The following FANCC variants were observed in gnomAD, a reference collection of about 807,000 sequenced individuals.
The protein encoded by FANCC is Fanconi anemia group C protein.
FANCC carries 55 observed loss-of-function variants against 71.3 expected under a neutral mutation model. The observed-to-expected ratio is 0.77, with a 90% CI of 0.62 to 0.97. The LOEUF (loss-of-function observed/expected upper bound fraction) is 0.97, where lower values mean the gene tolerates loss of function less well. FANCC is among the 50% of genes least tolerant of loss of function. FANCC has a pLI of 0.00. For synonymous variants in FANCC, 275 were observed against 244.9 expected (o/e 1.12, Z -1.15); for missense variants, 678 against 670.9 (o/e 1.01, Z -0.12).
intron 4 of FANCC, among the ~76,000 whole-genome samples, chr9:95,229,948 A>G (rs925958392): frequency 3.3e-5 from 5 of 152,238 alleles, no homozygotes; most frequent in African/African-American, 4.8e-5. Context: ...TTATCCATTC[A>G]GTAGTTTTTT....
intron 1 of FANCC, among the ~76,000 whole-genome samples, chr9:95,287,686 T>C (rs1215476690): frequency 2.0e-5 from 3 of 152,220 alleles, no homozygotes; most frequent in Non-Finnish European, 4.4e-5. Context: ...TCTGACTACC[T>C]TACCACCTGC....
At chr9:95,235,269 C>T (rs1283360319) in intron 4 of FANCC, among the ~76,000 whole-genome samples, 2 of 152,164 alleles carry the variant, frequency 1.3e-5, no homozygotes, top group African/African-American at 2.4e-5. Flanking sequence ...GGGAAATGCA[C>T]CTGATGCATG....
At chr9:95,289,955 A>G (rs1279414662) in intron 1 of FANCC, among the ~76,000 whole-genome samples, 1 of 152,202 alleles carries the variant, frequency 6.6e-6, no homozygotes, top group Non-Finnish European at 1.5e-5. Flanking sequence ...CATTGTGCCC[A>G]GCCACACGTT....
chr9:95,111,005 C>G (rs1481607829), intron 13 of FANCC: 4 of 1,434,010 alleles, frequency 2.8e-6, no homozygotes, highest in Non-Finnish European at 3.6e-6. Context: ...ATGTGAGGAT[C>G]TGTTGACTGA....
rs1044332358 is a variant in FANCC, at chr9:95,114,813, T to C, written c.1073-103A>G. 5.2e-6 allele frequency: 5 copies of C among 953,726 alleles called. No homozygotes were observed. In the African/African-American group the frequency reaches 6.4e-5, roughly 12 times the overall value. 59.1% of individuals were successfully genotyped at this position (953,726 alleles called of 1,614,324 possible). A position where few individuals can be genotyped will look rare whatever the true frequency, so the allele number is the denominator to read the frequency against. ...TGAAGAGTCTTTGGGAGACGCCCTT[T>C]ACTTCTGGTTCACGGAACCCAATAC... On this transcript the variant is annotated intron_variant, in intron 11 of 14. Transcript: ENST00000289081.
intron 7 of FANCC, among the ~76,000 whole-genome samples, chr9:95,139,992 C>T (rs913598213): frequency 5.3e-5 from 8 of 151,820 alleles, no homozygotes; most frequent in African/African-American, 1.9e-4. Context: ...CCTTTTTCTT[C>T]TCTATAATGG....
chr9:95,156,989 A>T (rs983990879), intron 6 of FANCC, among the ~76,000 whole-genome samples: 5 of 152,334 alleles, frequency 3.3e-5, no homozygotes, highest in Admixed American at 3.3e-4. Context: ...GTATATGCTT[A>T]AAGTCAGGAG....
intron 1 of FANCC, among the ~76,000 whole-genome samples, chr9:95,264,981 C>CTTTTTTTTTTTTTT: frequency 7.5e-6 from 1 of 132,868 alleles, no homozygotes; most frequent in African/African-American, 2.7e-5. Flanking sequence ...GTGTTTGTGG[C>CTTTTTTTTTTTTTT]TTTTTTTTTT....
intron 1 of FANCC, among the ~76,000 whole-genome samples, chr9:95,305,915 TC>T (rs774334891): frequency 6.6e-6 from 1 of 152,194 alleles, no homozygotes; most frequent in Non-Finnish European, 1.5e-5. Context: ...GAAAACTGGG[TC>T]TGGAATGTCA....
intron 1 of FANCC, among the ~76,000 whole-genome samples, chr9:95,311,742 T>TGTGTGTGTGTGTGTGA (rs1554875373): frequency 6.6e-6 from 1 of 151,706 alleles, no homozygotes; most frequent in Non-Finnish European, 1.5e-5. Flanking sequence ...TGTGTGTGTG[T>TGTGTGTGTGTGTGTGA]GTGAAAAACC....
intron 4 of FANCC, among the ~76,000 whole-genome samples, chr9:95,196,335 G>A (rs1003121309): frequency 4.6e-5 from 7 of 151,824 alleles, no homozygotes; most frequent in Non-Finnish European, 7.4e-5. Context: ...CTTATTAAAT[G>A]CATTTTTCCT....
At chr9:95,274,456 T>C (rs1832923472) in intron 1 of FANCC, among the ~76,000 whole-genome samples, 1 of 152,210 alleles carries the variant, frequency 6.6e-6, no homozygotes, top group African/African-American at 2.4e-5. Context: ...TCCAAGTCTT[T>C]GCTATTGTGA....
chr9:95,313,954 T>C (rs926915851), intron 1 of FANCC, among the ~76,000 whole-genome samples: 3 of 152,242 alleles, frequency 2.0e-5, no homozygotes, highest in African/African-American at 7.2e-5. Flanking sequence ...AGTGCATTTA[T>C]GAAAAACTTA....
intron 6 of FANCC, among the ~76,000 whole-genome samples, chr9:95,159,138 T>G (rs1194597106): frequency 6.6e-6 from 1 of 152,042 alleles, no homozygotes; most frequent in African/African-American, 2.4e-5. Flanking sequence ...ACCCATTACC[T>G]CATCATTTAC....
At chr9:95,111,025 G>A (rs538572506) in intron 13 of FANCC, 1 of 1,442,896 alleles carries the variant, frequency 6.9e-7, no homozygotes, top group Admixed American at 2.7e-5. Flanking sequence ...ATCCAAGAAA[G>A]GAGACAGTCA....
intron 4 of FANCC, among the ~76,000 whole-genome samples, chr9:95,198,022 C>A (rs554667078): frequency 3.3e-4 from 50 of 152,230 alleles, no homozygotes; most frequent in Non-Finnish European, 5.7e-4. Flanking sequence ...AATATAATCA[C>A]GGGTTGAGAC....
intron 4 of FANCC, among the ~76,000 whole-genome samples, chr9:95,183,052 T>C (rs1048734812): frequency 6.6e-6 from 1 of 152,092 alleles, no homozygotes; most frequent in African/African-American, 2.4e-5. Context: ...CTTGGTGACA[T>C]CAGACTCCTG....
At chr9:95,171,711 A>G (rs1229856330) in intron 5 of FANCC, among the ~76,000 whole-genome samples, 1 of 152,200 alleles carries the variant, frequency 6.6e-6, no homozygotes, top group Non-Finnish European at 1.5e-5. Flanking sequence ...GAAATACAAG[A>G]TTCTTTCAAC....
chr9:95,300,197 A>G (rs1472565350), intron 1 of FANCC, among the ~76,000 whole-genome samples: 2 of 152,196 alleles, frequency 1.3e-5, no homozygotes, highest in Non-Finnish European at 2.9e-5. Context: ...TCAGCCTTCT[A>G]TCTCCATCCA....
Sources: allele counts gnomAD v4.1 joint callset (sites outside exome capture counted in the v4.1 genomes callset), GRCh38; gene constraint gnomAD v4.1.1; transcripts MANE v1.5; gene names NCBI Gene and HGNC (gene_info 2026-07-23, HGNC 2026-07-21).